Variants in ASAP1 observed in about 807,000 individuals in gnomAD.
ASAP1 encodes the protein arf-GAP with SH3 domain, ANK repeat and PH domain-containing protein 1.
Under a neutral mutation model 145.2 loss-of-function variants are expected in ASAP1, and 43 were observed. That is an observed-to-expected ratio of 0.30 (90% CI 0.23 to 0.38). The LOEUF is 0.38. Among genes scored for constraint, ASAP1 ranks in the 10% least tolerant of loss-of-function variants. The pLI is 1.00. For synonymous variants in ASAP1, 546 were observed against 515.5 expected (o/e 1.06, Z -0.80); for missense variants, 1,018 against 1,355.3 (o/e 0.75, Z 3.91).
intron 9 of ASAP1, 91 bp downstream of exon 9, chr8:130,179,173 T>C (rs113411475): frequency 0.018 from 13,474 of 740,896 alleles, 199 homozygotes; most frequent in Non-Finnish European, 0.025. Context: ...AGTCACGAGA[T>C]GAAGAAAAGA....
rs369851080 is a variant in ASAP1 at position 130,190,513 on chromosome 8, ATTTATT to A, written c.406-2336_406-2331del. 9.9e-4 allele frequency among the ~76,000 whole-genome samples: 151 copies of A among 151,934 alleles called. 2 individuals carry two copies. The highest frequency in any genetic ancestry group is 3.4e-3 in the African/African-American group (140 of 41,448). On this transcript the variant is annotated intron_variant, in intron 5 of 29. Coordinates refer to ENST00000518721, the MANE Select transcript of ASAP1 (RefSeq NM_018482.4). Reference sequence around the variant, plus strand: ...TCTATTTGGTTCCACTGATTTATGCATTTATTTTTATTTTTATTTTTTGAGACAGAG... The same window carrying A: ...TCTATTTGGTTCCACTGATTTATGCATTTATTTTTATTTTTTGAGACAGAG...
intron 3 of ASAP1, among the ~76,000 whole-genome samples, chr8:130,245,762 G>C (rs140958424): frequency 3.1e-4 from 47 of 152,278 alleles, no homozygotes; most frequent in African/African-American, 1.0e-3. Flanking sequence ...AAGAATTAAA[G>C]CTGTACAGAA....
chr8:130,327,601 ATAAAT>A (rs1180780530), intron 3 of ASAP1, among the ~76,000 whole-genome samples: 1 of 152,242 alleles, frequency 6.6e-6, no homozygotes, highest in Non-Finnish European at 1.5e-5. Context: ...AATCATGAAA[ATAAAT>A]TAAATTTCCA....
At chr8:130,300,978 T>C (rs1310187695) in intron 3 of ASAP1, among the ~76,000 whole-genome samples, 3 of 152,144 alleles carry the variant, frequency 2.0e-5, no homozygotes, top group Non-Finnish European at 4.4e-5. Flanking sequence ...AAGGCACATA[T>C]TGCTATCGCT....
At chr8:130,250,905 T>C (rs940051267) in intron 3 of ASAP1, among the ~76,000 whole-genome samples, 4 of 152,284 alleles carry the variant, frequency 2.6e-5, no homozygotes, top group African/African-American at 9.6e-5. Flanking sequence ...AAATACTACA[T>C]TCTAACGATA....
At chr8:130,077,567 GAC>G (rs2097466076) in intron 26 of ASAP1, among the ~76,000 whole-genome samples, 1 of 79,046 alleles carries the variant, frequency 1.3e-5, no homozygotes, top group Non-Finnish European at 2.3e-5. Context: ...TTTTTTTTGA[GAC>G]ACAGTCTTGC....
At chr8:130,286,471 A>G (rs1035400755) in intron 3 of ASAP1, among the ~76,000 whole-genome samples, 16 of 152,192 alleles carry the variant, frequency 1.1e-4, no homozygotes, top group African/African-American at 3.9e-4. Flanking sequence ...GAACTCCTTC[A>G]TGTACTGATG....
intron 3 of ASAP1, among the ~76,000 whole-genome samples, chr8:130,317,423 C>T (rs1823731648): frequency 6.6e-6 from 1 of 152,212 alleles, no homozygotes; most frequent in South Asian, 2.1e-4. Flanking sequence ...ACTGTAGGAA[C>T]AGGGTCTACG....
chr8:130,267,636 T>G (rs2137040657), intron 3 of ASAP1, among the ~76,000 whole-genome samples: 1 of 152,318 alleles, frequency 6.6e-6, no homozygotes, highest in Middle Eastern at 3.4e-3. Context: ...ACTTTGTAAT[T>G]AATAAATAAA....
At chr8:130,126,733 C>T (rs111595456) in intron 16 of ASAP1, among the ~76,000 whole-genome samples, 3,658 of 152,278 alleles carry the variant, frequency 0.024, 63 homozygotes, top group Middle Eastern at 0.044. Flanking sequence ...CCTGACACTA[C>T]GTGTGTCACT....
intron 3 of ASAP1, among the ~76,000 whole-genome samples, chr8:130,349,412 T>C (rs926220487): frequency 1.8e-4 from 28 of 152,104 alleles, no homozygotes; most frequent in Admixed American, 1.7e-3. Flanking sequence ...TACAGGGCAA[T>C]AGCAACAAGG....
intron 5 of ASAP1, among the ~76,000 whole-genome samples, chr8:130,195,887 C>T (rs184841995): frequency 1.4e-4 from 22 of 152,316 alleles, no homozygotes; most frequent in African/African-American, 5.1e-4. Flanking sequence ...ACATCTTCTG[C>T]TCTGATTTTT....
intron 3 of ASAP1, among the ~76,000 whole-genome samples, chr8:130,273,578 G>A (rs1255825297): frequency 1.3e-5 from 2 of 152,198 alleles, no homozygotes. Context: ...TTAAGGAGGA[G>A]CTCACAGGAT....
At chr8:130,208,507 T>C (rs1042182529) in intron 5 of ASAP1, 1 of 152,216 alleles carries the variant, frequency 6.6e-6, no homozygotes, top group Non-Finnish European at 1.5e-5. Context: ...AATACACAGA[T>C]GGCAAGGTTA....
intron 21 of ASAP1, 43 bp from the exon 22 acceptor site, chr8:130,116,788 C>T: frequency 6.2e-7 from 1 of 1,600,910 alleles, no homozygotes; most frequent in African/African-American, 1.3e-5. Context: ...ATCTAGGAAA[C>T]ACCTTAAGAA....
At chr8:130,321,782 A>T (rs757826723) in intron 3 of ASAP1, among the ~76,000 whole-genome samples, 2 of 152,236 alleles carry the variant, frequency 1.3e-5, no homozygotes, top group African/African-American at 4.8e-5. Flanking sequence ...GTCTTTTAAC[A>T]TCAGTTATCT....
At chr8:130,137,233 T>C (rs747985574) in intron 13 of ASAP1, among the ~76,000 whole-genome samples, 195 bp from the exon 14 acceptor site, 22 of 152,258 alleles carry the variant, frequency 1.4e-4, no homozygotes, top group Non-Finnish European at 3.1e-4. Flanking sequence ...TGTAGGTTTC[T>C]GCCCTCAAAT....
At chr8:130,151,197 C>G (rs2097645467) in intron 13 of ASAP1, among the ~76,000 whole-genome samples, 1 of 151,142 alleles carries the variant, frequency 6.6e-6, no homozygotes, top group East Asian at 2.0e-4. Context: ...ATGATGAAAC[C>G]CTGTCTCTAC....
intron 1 of ASAP1, among the ~76,000 whole-genome samples, chr8:130,409,630 G>A (rs1212433980): frequency 6.6e-6 from 1 of 152,170 alleles, no homozygotes; most frequent in Non-Finnish European, 1.5e-5. Flanking sequence ...AGCCAAGAAG[G>A]GCTGAGGTAT....
Sources: allele counts gnomAD v4.1 joint callset (sites outside exome capture counted in the v4.1 genomes callset), GRCh38; gene constraint gnomAD v4.1.1; transcripts MANE v1.5; gene names NCBI Gene and HGNC (gene_info 2026-07-23, HGNC 2026-07-21).